POLR3E: variants seen among roughly 807,000 people sequenced by gnomAD.
POLR3E encodes the protein RNA polymerase III subunit E.
A neutral mutation model predicts 96.6 loss-of-function variants in POLR3E; 41 were observed. The ratio of observed to expected loss-of-function variants is 0.42; its 90% confidence interval spans 0.33 to 0.55. The LOEUF (loss-of-function observed/expected upper bound fraction) is 0.55, where lower values mean the gene tolerates loss of function less well. Among genes scored for constraint, POLR3E ranks in the 20% least tolerant of loss-of-function variants. POLR3E has a pLI of 0.06. For missense variants in POLR3E, 849 were observed against 952.1 expected, an observed-to-expected ratio of 0.89 and a Z score of 1.43; for synonymous variants, 396 against 383.6, an observed-to-expected ratio of 1.03 and a Z score of -0.38.
rs1302987072 is a variant in POLR3E, at chr16:22,297,520, C to G, written c.-56C>G. 1 of 152,462 alleles carries G rather than the reference C, an allele frequency of 6.6e-6. No homozygotes were observed. Among genetic ancestry groups the G allele is most frequent in the Non-Finnish European group, 1.5e-5 (1 of 68,204 alleles). The allele number at this position is 152,462 out of a possible 1,614,324, so 9.4% of individuals were successfully genotyped here. On this transcript the variant is annotated 5_prime_UTR_variant, in exon 1 of 21. Transcript: ENST00000299853. ...AACTGGGCCGTTGCCGCCGTCCGCGCTCGGCCCCCGCGGAGAGGTGAGTCC... is the reference window on the plus strand; with the variant it reads ...AACTGGGCCGTTGCCGCCGTCCGCGGTCGGCCCCCGCGGAGAGGTGAGTCC...
chr16:22,317,246 C>T (rs2048376268), intron 12 of POLR3E, 40 bp downstream of exon 12: 2 of 1,443,444 alleles, frequency 1.4e-6, no homozygotes, highest in Non-Finnish European at 1.9e-6. Flanking sequence ...GCCCCAGTCC[C>T]AGTGGCTCCT....
chr16:22,306,664 T>C (rs1296965618), intron 3 of POLR3E, among the ~76,000 whole-genome samples: 3 of 152,268 alleles, frequency 2.0e-5, no homozygotes, highest in Non-Finnish European at 2.9e-5. Flanking sequence ...TTGGCTATTA[T>C]AAATAATGCC....
intron 18 of POLR3E, chr16:22,327,594 G>C (rs949277702): frequency 6.6e-6 from 1 of 152,218 alleles, no homozygotes; most frequent in Non-Finnish European, 1.5e-5. Flanking sequence ...TGCTCTCCTT[G>C]CCATCCTGAC....
At position 22,313,176 on chromosome 16, in the gene POLR3E, G is replaced by C. The variant is rs376037279; in HGVS notation, c.365-444G>C. On this transcript the variant is annotated intron_variant, in intron 6 of 20. Coordinates refer to ENST00000299853, the MANE Select transcript of POLR3E (RefSeq NM_018119.4). The surrounding 1 kb of genome is among the most constrained non-coding windows in gnomAD (Gnocchi z 4.1). The stretch of plus-strand genomic sequence containing the variant: ...AGTGGACTTCCTAGTGGAACGGGTG[G>C]GATTTTGGCGGGAAAAGATGGAGGA... Among the ~76,000 whole-genome samples, 21 of 152,220 alleles carry C rather than the reference G, an allele frequency of 1.4e-4. No homozygotes were observed. The highest frequency in any genetic ancestry group is 4.8e-4 in the African/African-American group (20 of 41,532).
rs1386762460 is a variant in POLR3E, at chr16:22,313,699, G to A, written c.444G>A (p.Lys148=). The change falls in exon 7 of 21, where the codon AAG becomes AAA. Residue 148 remains lysine (K), a synonymous_variant. Coordinates refer to ENST00000299853, the MANE Select transcript of POLR3E (RefSeq NM_018119.4). The surrounding 1 kb of genome is among the most constrained non-coding windows in gnomAD (Gnocchi z 4.1). ...SFSYLDKADA[K]HREREAANEA... ...CCTACCTGGATAAGGCTGACGCCAA[G>A]CACCGGGAGAGGGAGGCGGCCAACG... 3 of 1,613,378 alleles carry A rather than the reference G, an allele frequency of 1.9e-6. No individual in the cohort carries two copies. The highest frequency in any genetic ancestry group is 4.5e-5 in the East Asian group (2 of 44,878).
chr16:22,321,105 A>G (rs2048463883), intron 13 of POLR3E, among the ~76,000 whole-genome samples: 1 of 152,150 alleles, frequency 6.6e-6, no homozygotes. Flanking sequence ...TGCTGCCTCC[A>G]CGAGACCATC....
chr16:22,303,197 G>A (rs1239211086), intron 2 of POLR3E, among the ~76,000 whole-genome samples, 193 bp downstream of exon 2: 1 of 151,942 alleles, frequency 6.6e-6, no homozygotes, highest in Non-Finnish European at 1.5e-5. Context: ...TCAGGTCTCT[G>A]ATCTGGCATC....
intron 1 of POLR3E, among the ~76,000 whole-genome samples, chr16:22,298,675 A>C (rs935877036): frequency 6.6e-6 from 1 of 152,212 alleles, no homozygotes; most frequent in African/African-American, 2.4e-5. Flanking sequence ...AGGATCTTTG[A>C]CATAGCGAGA....
At chr16:22,309,129 C>A in intron 5 of POLR3E, 89 bp downstream of exon 5, 1 of 869,176 alleles carries the variant, frequency 1.2e-6, no homozygotes, top group South Asian at 1.6e-5. Flanking sequence ...CCCTTTGCCC[C>A]GTCACTGGGC....
chr16:22,303,218 G>A (rs1397684862), intron 2 of POLR3E, among the ~76,000 whole-genome samples: 1 of 151,986 alleles, frequency 6.6e-6, no homozygotes, highest in African/African-American at 2.4e-5. Flanking sequence ...ACCTCATCAG[G>A]GAGGCCTTCC....
Position 22,322,792 on chromosome 16 carries a change from T to C in POLR3E, c.987-58T>C, listed in dbSNP as rs1598266944. ...TGGACTGGGGCTTGGCCGGGAGGGG[T>C]AGCGGTAGAGGGGGCTCAGGGCAGG... On this transcript the variant is annotated intron_variant, in intron 13 of 20. Coordinates refer to ENST00000299853, the MANE Select transcript of POLR3E (RefSeq NM_018119.4). This position sits in a 1 kb window ranked among gnomAD's most constrained non-coding sequence, Gnocchi z 5.2. 8.2e-7 allele frequency: 1 copy of C among 1,216,102 alleles called. No homozygotes were observed. The highest frequency in any genetic ancestry group is 1.2e-5 in the South Asian group (1 of 80,872). 75.3% of individuals were successfully genotyped at this position (1,216,102 alleles called of 1,614,324 possible). A position where few individuals can be genotyped will look rare whatever the true frequency, so the allele number is the denominator to read the frequency against.
chr16:22,313,633 G>A lies in POLR3E; in HGVS notation c.378G>A (p.Leu126=). The part of the protein sequence containing the change: ...AALYRQGELH[L]TPLHGILQLR... ...TTCCTCCGCCAGGTGAGCTCCACCTGACACCTTTACATGGCATCCTGCAGC... is the reference window on the plus strand; with the variant it reads ...TTCCTCCGCCAGGTGAGCTCCACCTAACACCTTTACATGGCATCCTGCAGC... Residue 126 remains leucine (L), a synonymous_variant, in exon 7 of 21, where the codon CTG becomes CTA. Transcript: ENST00000299853. This position sits in a 1 kb window ranked among gnomAD's most constrained non-coding sequence, Gnocchi z 4.1. 6.2e-7 allele frequency: 1 copy of A among 1,613,120 alleles called. No homozygotes were observed.
intron 9 of POLR3E, 76 bp from the exon 10 acceptor site, chr16:22,316,525 G>A: frequency 2.7e-6 from 3 of 1,110,638 alleles, no homozygotes; most frequent in South Asian, 1.3e-5. Flanking sequence ...AGTGGAAGAC[G>A]GGAGGCCTTG....
At position 22,297,434 on chromosome 16, in the gene POLR3E, A is replaced by G. The variant is rs1345197562; in HGVS notation, c.-142A>G. 1.3e-5 allele frequency: 2 copies of G among 152,468 alleles called. No homozygotes were observed. Among genetic ancestry groups the G allele is most frequent in the East Asian group, 1.9e-4 (1 of 5,200 alleles). The allele number at this position is 152,468 out of a possible 1,614,324, so 9.4% of individuals were successfully genotyped here. A position where few individuals can be genotyped will look rare whatever the true frequency, so the allele number is the denominator to read the frequency against. On this transcript the variant is annotated 5_prime_UTR_variant, in exon 1 of 21. Coordinates refer to ENST00000299853, the MANE Select transcript of POLR3E (RefSeq NM_018119.4). ...ACGTGTCCGCCGGAGTTTCTCCACCAGCAACATGGCCGCCGCCTGAGAGGA... is the reference window on the plus strand; with the variant it reads ...ACGTGTCCGCCGGAGTTTCTCCACCGGCAACATGGCCGCCGCCTGAGAGGA...
In POLR3E at chr16:22,297,415, C is replaced by G. The variant is rs1036034122; in HGVS notation, c.-161C>G. On this transcript the variant is annotated 5_prime_UTR_variant, in exon 1 of 21. Coordinates refer to ENST00000299853, the MANE Select transcript of POLR3E (RefSeq NM_018119.4). ...GGCCGGCCCGCTCCCCCCCACGTGT[C>G]CGCCGGAGTTTCTCCACCAGCAACA... The G allele has an allele frequency of 2.6e-5, 4 of 152,452 alleles. 1 individual carries two copies. Among genetic ancestry groups the G allele is most frequent in the East Asian group, 3.8e-4 (2 of 5,204 alleles). The allele number at this position is 152,452 out of a possible 1,614,324, so 9.4% of individuals were successfully genotyped here. A position where few individuals can be genotyped will look rare whatever the true frequency, so the allele number is the denominator to read the frequency against.
At chr16:22,328,267 T>C (rs2048651565) in intron 18 of POLR3E, 2 of 528,564 alleles carry the variant, frequency 3.8e-6, no homozygotes, top group South Asian at 4.6e-5. Flanking sequence ...ACTGGGCCCA[T>C]CACACTCCCC....
At chr16:22,315,439 G>GC (rs1164269096) in intron 9 of POLR3E, among the ~76,000 whole-genome samples, 1 of 152,190 alleles carries the variant, frequency 6.6e-6, no homozygotes, top group African/African-American at 2.4e-5. Flanking sequence ...GTGGGGTTTG[G>GC]CCCCTGGGCA....
Position 22,326,297 on chromosome 16 carries a change from G to A in POLR3E, c.1866+19G>A. On this transcript the variant is annotated intron_variant, in intron 18 of 20. Transcript: ENST00000299853. ...GGTGCCTGTAAGTAGAGCCCTGCCT[G>A]CCAGGGGCATGGGGGGTGGGGGGTG... is the stretch of plus-strand genomic sequence containing the variant. The A allele has an allele frequency of 1.7e-6, 1 of 588,840 alleles. No homozygotes were observed. Among genetic ancestry groups the A allele is most frequent in the Non-Finnish European group, 2.9e-6 (1 of 339,522 alleles). The allele number at this position is 588,840 out of a possible 1,614,324, so 36.5% of individuals were successfully genotyped here.
Position 22,315,219 on chromosome 16 carries a change from C to T in POLR3E, c.642+11C>T, listed in dbSNP as rs534331255. The T allele has an allele frequency of 6.3e-7, 1 of 1,575,374 alleles. No homozygotes were observed. The highest frequency in any genetic ancestry group is 8.6e-7 in the Non-Finnish European group (1 of 1,159,958). ...TACTATGGCCTGAGGGTGAGCGGGGCTTCGTGGGGTCCTGGGGGAAACACC... is the reference window on the plus strand; with the variant it reads ...TACTATGGCCTGAGGGTGAGCGGGGTTTCGTGGGGTCCTGGGGGAAACACC... On this transcript the variant is annotated intron_variant, in intron 9 of 20. Transcript: ENST00000299853.
Sources: gnomAD v4.1 joint callset for allele counts (sites outside exome capture counted in the v4.1 genomes callset) on GRCh38, gnomAD v4.1.1 for gene constraint, Gnocchi (gnomAD v3.1) non-coding constraint, MANE v1.5 for transcripts, NCBI Gene and HGNC (gene_info 2026-07-23, HGNC 2026-07-21) for gene names.